NCL: variants seen among roughly 807,000 people sequenced by gnomAD.
The protein encoded by NCL is nucleolin multifunctional protein.
Under a neutral mutation model 77.7 loss-of-function variants are expected in NCL, and 4 were observed. The observed-to-expected ratio is 0.05, with a 90% CI of 0.03 to 0.12. NCL has a LOEUF of 0.12. Ranked by LOEUF, NCL falls within the 10% of genes least tolerant of loss-of-function variation. The pLI is 1.00. For missense variants in NCL, 763 were observed against 860.9 expected (o/e 0.89, Z 1.42); for synonymous variants, 344 against 297.8 (o/e 1.16, Z -1.60).
At chr2:231,458,432 C>G in intron 7 of NCL, 43 bp from the exon 8 acceptor site, 2 of 1,599,818 alleles carry the variant, frequency 1.3e-6, no homozygotes, top group Non-Finnish European at 1.7e-6. Context: ...CCTGAAAAAC[C>G]AAAGGTGGGG....
chr2:231,464,470 C>T lies in NCL; in HGVS notation c.-117G>A. ...CGGAGCACGTACACCCGAAGGCCAGCGAGAGCTCGAGACTGAGGCGAAAGA... is the reference window on the plus strand; with the variant it reads ...CGGAGCACGTACACCCGAAGGCCAGTGAGAGCTCGAGACTGAGGCGAAAGA... On this transcript the variant is annotated 5_prime_UTR_variant, in exon 1 of 14. Transcript: ENST00000322723. 1 of 1,385,240 alleles carries T rather than the reference C, an allele frequency of 7.2e-7. No homozygotes were observed. The highest frequency in any genetic ancestry group is 2.0e-5 in the Admixed American group (1 of 50,420). The allele number at this position is 1,385,240 out of a possible 1,614,324, so 85.8% of individuals were successfully genotyped here.
chr2:231,455,928 T>G, intron 12 of NCL, 82 bp downstream of exon 12: 50 of 1,602,536 alleles, frequency 3.1e-5, no homozygotes, highest in Non-Finnish European at 3.9e-5. Flanking sequence ...AGGAGCTCAA[T>G]GAGAAGACAC....
Position 231,460,485 on chromosome 2 carries a change from T to C in NCL, c.891A>G (p.Lys297=). 1 of 1,614,142 alleles carries C rather than the reference T, an allele frequency of 6.2e-7. No homozygotes were observed. Among genetic ancestry groups the C allele is most frequent in the Non-Finnish European group, 8.5e-7 (1 of 1,179,956 alleles). ...QKAAPEAKKQ[K]VEGTEPTTAF... ...CCTAATTCTGCAAGTTACCTTCCAC[T>C]TTCTGTTTCTTGGCTTCAGGAGCTG... is the stretch of plus-strand genomic sequence containing the variant. Residue 297 remains lysine, a synonymous_variant, in exon 5 of 14, where the codon AAA becomes AAG. Coordinates refer to ENST00000322723, the MANE Select transcript of NCL (RefSeq NM_005381.3).
At chr2:231,461,392 A>G (rs1189798232) in intron 3 of NCL, 148 bp downstream of exon 3, 1 of 1,262,686 alleles carries the variant, frequency 7.9e-7, no homozygotes, top group Non-Finnish European at 1.1e-6. Flanking sequence ...TTCATGGGTA[A>G]TTAAGTCTAG....
intron 12 of NCL, 93 bp downstream of exon 12, chr2:231,455,913 CAGAA>C (rs752089107): frequency 1.7e-5 from 27 of 1,580,940 alleles, no homozygotes; most frequent in Non-Finnish European, 2.2e-5. Flanking sequence ...CACTGATAGA[CAGAA>C]AGGAGCTCAA....
At chr2:231,458,677 T>C (rs1270840560) in intron 7 of NCL, 4 of 461,924 alleles carry the variant, frequency 8.7e-6, no homozygotes, top group African/African-American at 2.0e-5. Flanking sequence ...ACATTACAAC[T>C]GTATATAGGG....
Position 231,464,381 on chromosome 2 carries a change from G to A in NCL, c.-28C>T. 6.3e-7 allele frequency: 1 copy of A among 1,599,336 alleles called. No individual in the cohort carries two copies. The highest frequency in any genetic ancestry group is 8.5e-7 in the Non-Finnish European group (1 of 1,172,708). ...TGGCGGCGGAGTGTGAAGCGGACAAGTGGCGCAGATGAGTCCAGAAGAAGC... is the reference window on the plus strand; with the variant it reads ...TGGCGGCGGAGTGTGAAGCGGACAAATGGCGCAGATGAGTCCAGAAGAAGC... On this transcript the variant is annotated 5_prime_UTR_variant, in exon 1 of 14. Transcript: ENST00000322723.
chr2:231,459,075 A>G lies in NCL; in HGVS notation c.1091T>C (p.Leu364Ser). The change falls in exon 7 of 14, where the codon TTG becomes TCG. Residue 364 changes from leucine (L) to serine (S), a missense_variant. Physicochemically the swap from Leu to Ser is moderately radical, Grantham distance 145. Around this residue, in one of 2 missense-constraint regions of NCL, gnomAD observed 590 missense variants for 570.5 expected, o/e 1.03. Transcript: ENST00000322723. The stretch of plus-strand genomic sequence containing the variant: ...AAAGACTTTCAAACCAGTGAGTTCC[A>G]ACGCTTTCTCCAGGTCTTCAGCAGA... ...FESAEDLEKA[L>S]ELTGLKVFGN... The G allele has an allele frequency of 6.2e-7, 1 of 1,605,258 alleles. No homozygotes were observed. The highest frequency in any genetic ancestry group is 8.5e-7 in the Non-Finnish European group (1 of 1,177,152).
chr2:231,460,846 C>G lies in NCL; in HGVS notation c.634G>C (p.Glu212Gln). Residue 212 changes from glutamate (E) to glutamine (Q), a missense_variant, in exon 4 of 14, where the codon GAG becomes CAG. Around this residue, in one of 2 missense-constraint regions of NCL, gnomAD observed 590 missense variants for 570.5 expected, o/e 1.03. Coordinates refer to ENST00000322723, the MANE Select transcript of NCL (RefSeq NM_005381.3). ...TTCTTTCCTTTGGCTGGTGTAGTCTCCATAGCTTCTTCTTCAGAGTCTGAA... is the reference window on the plus strand; with the variant it reads ...TTCTTTCCTTTGGCTGGTGTAGTCTGCATAGCTTCTTCTTCAGAGTCTGAA... The part of the protein sequence containing the change: ...EEDDSEEEAM[E>Q]TTPAKGKKAA... The G allele has an allele frequency of 6.2e-7, 1 of 1,613,966 alleles. No homozygotes were observed. Among genetic ancestry groups the G allele is most frequent in the Non-Finnish European group, 8.5e-7 (1 of 1,179,958 alleles).
At chr2:231,461,001 G>A (rs1365557159) in intron 3 of NCL, 135 bp from the exon 4 acceptor site, 39 of 758,390 alleles carry the variant, frequency 5.1e-5, no homozygotes, top group Admixed American at 1.4e-4. Flanking sequence ...ACTTGGGGCC[G>A]GGCGCAGTGG....
chr2:231,456,916 C>A, intron 10 of NCL, 85 bp downstream of exon 10: 1 of 1,567,870 alleles, frequency 6.4e-7, no homozygotes. Context: ...TTTGGCTTTT[C>A]TGACAGGATC....
intron 3 of NCL, 77 bp downstream of exon 3, chr2:231,461,463 G>A (rs895986637): frequency 3.9e-6 from 6 of 1,551,136 alleles, no homozygotes; most frequent in Non-Finnish European, 3.5e-6. Flanking sequence ...AGGTTGTCGT[G>A]GAAGGAATAT....
rs1269337191 is a variant in NCL, at chr2:231,453,951, G to A, written c.*1240C>T. ...GGGTTTCAAGTAAATTCATCACAAT[G>A]TTGATAGTCCCGCCTCTCACGTGGC... On this transcript the variant is annotated 3_prime_UTR_variant, in exon 14 of 14. Coordinates refer to ENST00000322723, the MANE Select transcript of NCL (RefSeq NM_005381.3). The A allele has an allele frequency of 6.6e-6, 1 of 152,212 alleles. No individual in the cohort carries two copies. Among genetic ancestry groups the A allele is most frequent in the African/African-American group, 2.4e-5 (1 of 41,450 alleles). 9.4% of individuals were successfully genotyped at this position (152,212 alleles called of 1,614,324 possible). A position where few individuals can be genotyped will look rare whatever the true frequency, so the allele number is the denominator to read the frequency against.
intron 7 of NCL, 102 bp from the exon 8 acceptor site, chr2:231,458,491 T>C: frequency 7.2e-7 from 1 of 1,379,480 alleles, no homozygotes. Flanking sequence ...ATTCAACAAA[T>C]AATTTGAGAT....
chr2:231,464,133 C>A (rs2046978023), intron 1 of NCL: 2 of 1,381,484 alleles, frequency 1.4e-6, no homozygotes, highest in Admixed American at 2.9e-5. Context: ...GCGTTCGCCG[C>A]CCCCAGCACC....
At chr2:231,457,390 A>G (rs1280961420) in intron 9 of NCL, 6 of 750,718 alleles carry the variant, frequency 8.0e-6, no homozygotes, top group Admixed American at 4.0e-5. Context: ...CAAGTCATTT[A>G]AAGTATAAAA....
chr2:231,458,152 G>A, intron 8 of NCL, 114 bp downstream of exon 8: 1 of 1,405,158 alleles, frequency 7.1e-7, no homozygotes, highest in Non-Finnish European at 9.6e-7. Context: ...CAAACTTACA[G>A]GTTAAACTGT....
rs374524494 is a variant in NCL, at chr2:231,460,362, C to G, written c.899-69G>C. 34 of 1,603,094 alleles carry G rather than the reference C, an allele frequency of 2.1e-5. No individual in the cohort carries two copies. The African/African-American group carries it at 4.0e-4, about 19-fold the overall frequency. On this transcript the variant is annotated intron_variant, in intron 5 of 13. Transcript: ENST00000322723. ...AAAGTTAGTTTCCAAAGCAAAATTT[C>G]TATACACAGCACATCAGCACACTAC... is the stretch of plus-strand genomic sequence containing the variant.
chr2:231,453,643 T>C lies in NCL; in HGVS notation c.*1548A>G, dbSNP rs1354997709. 1 of 154,016 alleles carries C rather than the reference T, an allele frequency of 6.5e-6. No homozygotes were observed. The highest frequency in any genetic ancestry group is 2.4e-5 in the African/African-American group (1 of 41,466). The allele number at this position is 154,016 out of a possible 1,614,324, so 9.5% of individuals were successfully genotyped here. A position where few individuals can be genotyped will look rare whatever the true frequency, so the allele number is the denominator to read the frequency against. ...AGACCCTCCCACTGCTTTTTCATCG[T>C]AGTTACAACCCTGGCTGGCCACCTT... On this transcript the variant is annotated 3_prime_UTR_variant, in exon 14 of 14. Coordinates refer to ENST00000322723, the MANE Select transcript of NCL (RefSeq NM_005381.3).
Sources: allele counts gnomAD v4.1 joint callset, GRCh38; gene constraint gnomAD v4.1.1; regional missense constraint gnomAD v4.1.1; transcripts MANE v1.5; gene names NCBI Gene and HGNC (gene_info 2026-07-23, HGNC 2026-07-21).